RND2: variants seen among roughly 807,000 people sequenced by gnomAD.
RND2 encodes rho-related GTP-binding protein RhoN.
A neutral mutation model predicts 25.9 loss-of-function variants in RND2; 16 were observed. That is an observed-to-expected ratio of 0.62 (90% CI 0.42 to 0.94). The LOEUF is 0.94. RND2 is among the 40% of genes least tolerant of loss of function. The pLI is 0.00. For missense variants in RND2, 276 were observed against 305.5 expected, an observed-to-expected ratio of 0.90 and a Z score of 0.72; for synonymous variants, 97 against 118.1, an observed-to-expected ratio of 0.82 and a Z score of 1.16.
rs139472078 is a variant in RND2 at position 43,027,250 on chromosome 17, C to T, written c.258C>T (p.Phe86=). ...YPDSDAVLIC[F]DISRPETLDS... ...ATTCTGATGCTGTGCTCATCTGCTT[C>T]GACATTAGCCGACCAGAAACACTGG... Residue 86 remains phenylalanine, a synonymous_variant, in exon 3 of 5, where the codon TTC becomes TTT. Coordinates refer to ENST00000587250, the MANE Select transcript of RND2 (RefSeq NM_005440.5). 6 of 1,612,988 alleles carry T rather than the reference C, an allele frequency of 3.7e-6. No homozygotes were observed. Among genetic ancestry groups the T allele is most frequent in the South Asian group, 1.1e-5 (1 of 90,924 alleles).
Position 43,031,919 on chromosome 17 carries a change from C to G in RND2, c.*3239C>G, listed in dbSNP as rs1194835841. On this transcript the variant is annotated 3_prime_UTR_variant, in exon 5 of 5. Coordinates refer to ENST00000587250, the MANE Select transcript of RND2 (RefSeq NM_005440.5). ...AGGGGACCTTACTCCCTTCCCCACCCCAGATGCAGGAGTCACCCAGCTTCC... is the reference window on the plus strand; with the variant it reads ...AGGGGACCTTACTCCCTTCCCCACCGCAGATGCAGGAGTCACCCAGCTTCC... 1 of 152,164 alleles carries G rather than the reference C, an allele frequency of 6.6e-6. No individual in the cohort carries two copies. The highest frequency in any genetic ancestry group is 1.5e-5 in the Non-Finnish European group (1 of 68,090). The allele number at this position is 152,164 out of a possible 1,614,324, so 9.4% of individuals were successfully genotyped here.
intron 3 of RND2, 119 bp from the exon 4 acceptor site, chr17:43,027,942 T>C (rs1597788871): frequency 3.3e-6 from 4 of 1,216,258 alleles, no homozygotes; most frequent in Non-Finnish European, 4.6e-6. Flanking sequence ...GGGAGAGTCC[T>C]GAGGGATACA....
Position 43,027,300 on chromosome 17 carries a change from C to T in RND2, c.300+8C>T. 6.3e-7 allele frequency: 1 copy of T among 1,595,034 alleles called. No individual in the cohort carries two copies. The highest frequency in any genetic ancestry group is 8.6e-7 in the Non-Finnish European group (1 of 1,166,824). ...GACAGTGTTCTCAAGAAGGTGGGAG[C>T]CTGGGGAAATAGGGCAGCTAGACTG... On this transcript the variant is annotated splice_region_variant and intron_variant, in intron 3 of 4. Coordinates refer to ENST00000587250, the MANE Select transcript of RND2 (RefSeq NM_005440.5).
intron 2 of RND2, 104 bp downstream of exon 2, chr17:43,026,151 A>G (rs1404153245): frequency 2.9e-6 from 2 of 695,468 alleles, no homozygotes; most frequent in African/African-American, 1.8e-5. Context: ...CATCCATCCA[A>G]TTCCAACAGG....
At chr17:43,026,085 C>A (rs780497902) in intron 2 of RND2, 38 bp downstream of exon 2, 2 of 1,482,828 alleles carry the variant, frequency 1.3e-6, no homozygotes, top group Admixed American at 3.4e-5. Context: ...ACTTCCAAGG[C>A]GGCCCACTCT....
Position 43,030,771 on chromosome 17 carries a change from AG to A in RND2, c.*2093del, listed in dbSNP as rs1401498337. The A allele has an allele frequency of 6.6e-6, 1 of 152,150 alleles. No individual in the cohort carries two copies. The allele number at this position is 152,150 out of a possible 1,614,324, so 9.4% of individuals were successfully genotyped here. ...AAGACAAGGCTAGGAAGGTACACTG[AG>A]GCTACTGCAGGGTCCACAGAGGAAT... On this transcript the variant is annotated 3_prime_UTR_variant, in exon 5 of 5. Coordinates refer to ENST00000587250, the MANE Select transcript of RND2 (RefSeq NM_005440.5).
In RND2 at chr17:43,030,862, CAG is replaced by C. The variant is rs1437218801; in HGVS notation, c.*2187_*2188del. On this transcript the variant is annotated 3_prime_UTR_variant, in exon 5 of 5. Transcript: ENST00000587250. ...GGATGAAGCCACCAGGAATTTCAGGCAGAGAGTGAAGTGATCAGAGTTGTTTT... is the reference window on the plus strand; with the variant it reads ...GGATGAAGCCACCAGGAATTTCAGGCAGAGTGAAGTGATCAGAGTTGTTTT... 6.6e-6 allele frequency: 1 copy of C among 152,090 alleles called. No homozygotes were observed. Among genetic ancestry groups the C allele is most frequent in the Non-Finnish European group, 1.5e-5 (1 of 68,016 alleles). 9.4% of individuals were successfully genotyped at this position (152,090 alleles called of 1,614,324 possible).
rs749853399 is a variant in RND2, at chr17:43,025,393, G to A, written c.46G>A (p.Ala16Thr). ...GRCKIVVVGDAECGKTALLQV... is the reference protein window; with the variant it reads ...GRCKIVVVGDTECGKTALLQV... ...CTGCAAGATCGTGGTGGTGGGAGAC[G>A]CAGAGTGCGGCAAGACGGCGCTGCT... is the stretch of plus-strand genomic sequence containing the variant. The change falls in exon 1 of 5, where the codon GCA (alanine) becomes ACA (threonine). Residue 16 changes from alanine (A) to threonine (T), a missense_variant. Ala to Thr is a moderately conservative substitution (Grantham distance 58). Transcript: ENST00000587250. 3 of 1,553,816 alleles carry A rather than the reference G, an allele frequency of 1.9e-6. No individual in the cohort carries two copies. In the South Asian group the frequency reaches 3.6e-5, roughly 18 times the overall value.
At chr17:43,027,095 A>C (rs1161128109) in intron 2 of RND2, 88 bp from the exon 3 acceptor site, 2 of 758,380 alleles carry the variant, frequency 2.6e-6, no homozygotes, top group Non-Finnish European at 4.3e-6. Context: ...CTCTGCTCCC[A>C]GCATCCCTTG....
intron 3 of RND2, among the ~76,000 whole-genome samples, chr17:43,027,497 C>G (rs1171593211): frequency 1.3e-5 from 2 of 152,182 alleles, no homozygotes; most frequent in Non-Finnish European, 2.9e-5. Context: ...GAGCTGGATA[C>G]AGCAGCTAGG....
Position 43,031,198 on chromosome 17 carries a change from G to A in RND2, c.*2518G>A, listed in dbSNP as rs1468152759. The A allele has an allele frequency of 1.3e-5, 2 of 152,018 alleles. No individual in the cohort carries two copies. Among genetic ancestry groups the A allele is most frequent in the Non-Finnish European group, 2.9e-5 (2 of 67,990 alleles). The allele number at this position is 152,018 out of a possible 1,614,324, so 9.4% of individuals were successfully genotyped here. ...CCAGGTTCCAGTCTTGAGAGGAAAG[G>A]AATCCCTACCCACCACTCCCTGGAT... On this transcript the variant is annotated 3_prime_UTR_variant, in exon 5 of 5. Transcript: ENST00000587250.
Position 43,025,543 on chromosome 17 carries a change from A to C in RND2, c.102+94A>C. 10 of 1,454,150 alleles carry C rather than the reference A, an allele frequency of 6.9e-6. 1 individual carries two copies. The highest frequency in any genetic ancestry group is 9.2e-6 in the Non-Finnish European group (10 of 1,089,996). The allele number at this position is 1,454,150 out of a possible 1,614,324, so 90.1% of individuals were successfully genotyped here. On this transcript the variant is annotated intron_variant, in intron 1 of 4. Coordinates refer to ENST00000587250, the MANE Select transcript of RND2 (RefSeq NM_005440.5). The stretch of plus-strand genomic sequence containing the variant: ...ACGGATGGGAATGGGTACTCGGGTA[A>C]CCAGGGACAAGAGACAGGGGGTCGG...
Position 43,027,221 on chromosome 17 carries a change from C to A in RND2, c.229C>A (p.Pro77Thr), listed in dbSNP as rs777766577. ...TGATAATGTCCGGCCTCTGGCCTAT[C>A]CTGATTCTGATGCTGTGCTCATCTG... ...YYDNVRPLAY[P>T]DSDAVLICFD... The change falls in exon 3 of 5, where the codon CCT becomes ACT. Residue 77 changes from proline (P) to threonine (T), a missense_variant. Coordinates refer to ENST00000587250, the MANE Select transcript of RND2 (RefSeq NM_005440.5). 2 of 1,612,722 alleles carry A rather than the reference C, an allele frequency of 1.2e-6. No individual in the cohort carries two copies. Among genetic ancestry groups the A allele is most frequent in the East Asian group, 4.5e-5 (2 of 44,790 alleles).
rs777975287 is a variant in RND2, at chr17:43,025,945, C to CA, written c.103-14dup. The CA allele has an allele frequency of 4.4e-6, 7 of 1,600,440 alleles. No individual in the cohort carries two copies. The Admixed American group carries it at 6.7e-5, about 15-fold the overall frequency. The stretch of plus-strand genomic sequence containing the variant: ...TTGGAGAGATGATCTCATCTGGATC[C>CA]ATCCGTGTCTGCAGAGTTATGTCCC... On this transcript the variant is annotated splice_polypyrimidine_tract_variant and intron_variant, in intron 1 of 4. Transcript: ENST00000587250.
intron 3 of RND2, 90 bp from the exon 4 acceptor site, chr17:43,027,971 G>C: frequency 6.9e-7 from 1 of 1,451,730 alleles, no homozygotes; most frequent in South Asian, 1.3e-5. Context: ...GCGTGCTTGA[G>C]GAAGAGAGGG....
At position 43,025,303 on chromosome 17, in the gene RND2, G is replaced by GC; in HGVS notation, c.-42dup. 1 of 1,470,556 alleles carries GC rather than the reference G, an allele frequency of 6.8e-7. No individual in the cohort carries two copies. Among genetic ancestry groups the GC allele is most frequent in the Non-Finnish European group, 9.0e-7 (1 of 1,106,242 alleles). 91.1% of individuals were successfully genotyped at this position (1,470,556 alleles called of 1,614,324 possible). A position where few individuals can be genotyped will look rare whatever the true frequency, so the allele number is the denominator to read the frequency against. ...CAGGGGCGGGGGAGGCGGCGGCGGG[G>GC]CCCGGGAGAGGGGTGGCGTGGGGGA... On this transcript the variant is annotated 5_prime_UTR_variant, in exon 1 of 5. The change abolishes the stop of an existing upstream ORF in the 5' untranslated region. Transcript: ENST00000587250.
At position 43,031,285 on chromosome 17, in the gene RND2, A is replaced by T. The variant is rs141365150; in HGVS notation, c.*2605A>T. ...TAGTTCATCTCAGCCAGTCTCAAAGATTCTAGGATAACTTCAATGGCATTT... is the reference window on the plus strand; with the variant it reads ...TAGTTCATCTCAGCCAGTCTCAAAGTTTCTAGGATAACTTCAATGGCATTT... On this transcript the variant is annotated 3_prime_UTR_variant, in exon 5 of 5. Transcript: ENST00000587250. 5.3e-5 allele frequency: 8 copies of T among 152,202 alleles called. No individual in the cohort carries two copies. In the East Asian group the frequency reaches 7.7e-4, roughly 15 times the overall value. The allele number at this position is 152,202 out of a possible 1,614,324, so 9.4% of individuals were successfully genotyped here.
intron 2 of RND2, among the ~76,000 whole-genome samples, chr17:43,026,873 C>T (rs918299607): frequency 2.6e-5 from 4 of 152,166 alleles, no homozygotes; most frequent in African/African-American, 4.8e-5. Context: ...AAAGCACATG[C>T]AACATTTTAT....
At chr17:43,025,557 A>C in intron 1 of RND2, 108 bp downstream of exon 1, 2 of 1,412,662 alleles carry the variant, frequency 1.4e-6, no homozygotes, top group Non-Finnish European at 1.9e-6. Flanking sequence ...GGGACAAGAG[A>C]CAGGGGGTCG....
Sources: gnomAD v4.1 joint callset for allele counts (sites outside exome capture counted in the v4.1 genomes callset) on GRCh38, gnomAD v4.1.1 for gene constraint, MANE v1.5 for transcripts, NCBI Gene and HGNC (gene_info 2026-07-23, HGNC 2026-07-21) for gene names.